PSG3: variants seen among roughly 807,000 people sequenced by gnomAD.
The protein encoded by PSG3 is pregnancy specific beta-1-glycoprotein 3.
Under a neutral mutation model 47.5 loss-of-function variants are expected in PSG3, and 61 were observed. That is an observed-to-expected ratio of 1.28 (90% CI 1.05 to 1.59). The LOEUF is 1.59. Ranked by LOEUF, PSG3 falls within the 40% of genes most tolerant of loss-of-function variation. PSG3 has a pLI of 0.00. For missense variants in PSG3, 756 were observed against 524.0 expected (o/e 1.44, Z -4.32); for synonymous variants, 263 against 198.4 (o/e 1.33, Z -2.74).
chr19:42,732,289 C>T, intron 3 of PSG3: 1 of 181,368 alleles, frequency 5.5e-6, no homozygotes, highest in South Asian at 1.3e-4. Flanking sequence ...AATGCTCTGC[C>T]AGTGGGTGAG....
intron 1 of PSG3, among the ~76,000 whole-genome samples, chr19:42,740,107 A>T (rs562914370): frequency 7.2e-5 from 11 of 151,762 alleles, no homozygotes; most frequent in Non-Finnish European, 1.6e-4. Context: ...AGCACACCAC[A>T]ATATCTGGTT....
rs139706271 is a variant in PSG3 at position 42,732,813 on chromosome 19, C to T, written c.680G>A (p.Arg227His). The change falls in exon 3 of 7, where the codon CGC becomes CAC. Residue 227 changes from arginine to histidine, a missense_variant. Transcript: ENST00000327495. Reference sequence around the variant, plus strand: ...GAGATTCAGGGTGACTGGGTCACTGCGGCTGGCACTCACTGGGTTCCGTAT... The same window carrying T: ...GAGATTCAGGGTGACTGGGTCACTGTGGCTGGCACTCACTGGGTTCCGTAT... ...CEIRNPVSAS[R>H]SDPVTLNLLP... is the part of the protein sequence containing the mutation. The T allele has an allele frequency of 9.7e-5, 156 of 1,614,098 alleles. No homozygotes were observed. Among genetic ancestry groups the T allele is most frequent in the Admixed American group, 4.2e-4 (25 of 60,018 alleles).
chr19:42,738,293 C>T (rs1969600299), intron 2 of PSG3, among the ~76,000 whole-genome samples: 1 of 152,240 alleles, frequency 6.6e-6, no homozygotes, highest in Admixed American at 6.5e-5. Flanking sequence ...CCAGTACAGG[C>T]TCCTCAGATT....
chr19:42,725,035 T>A (rs539683173), intron 5 of PSG3, among the ~76,000 whole-genome samples: 1 of 151,972 alleles, frequency 6.6e-6, no homozygotes, highest in Admixed American at 6.6e-5. Context: ...AAGCTTAGAG[T>A]GGTGTAAAAC....
Position 42,721,800 on chromosome 19 carries a change from G to A in PSG3, c.*331C>T, listed in dbSNP as rs1600375668. ...AAGAAAAAAAGTGCATAAATCTGGA[G>A]AATAAAACATTCAAAGAATCAGCAC... is the stretch of plus-strand genomic sequence containing the variant. On this transcript the variant is annotated 3_prime_UTR_variant, in exon 7 of 7. Transcript: ENST00000327495. 1 of 409,078 alleles carries A rather than the reference G, an allele frequency of 2.4e-6. No individual in the cohort carries two copies. Among genetic ancestry groups the A allele is most frequent in the East Asian group, 3.6e-5 (1 of 27,874 alleles). 25.3% of individuals were successfully genotyped at this position (409,078 alleles called of 1,614,324 possible). A position where few individuals can be genotyped will look rare whatever the true frequency, so the allele number is the denominator to read the frequency against.
At position 42,723,892 on chromosome 19, in the gene PSG3, C is replaced by A. The variant is rs950337389; in HGVS notation, c.*40+50G>T. The A allele has an allele frequency of 2.1e-6, 3 of 1,416,062 alleles. No homozygotes were observed. The African/African-American group carries it at 4.3e-5, about 20-fold the overall frequency. The allele number at this position is 1,416,062 out of a possible 1,614,324, so 87.7% of individuals were successfully genotyped here. ...AAATAAGTCTTTTCCCTCTCCCAAG[C>A]ATGGCAGTTAGCCCTGCAGGAACCA... On this transcript the variant is annotated intron_variant, in intron 6 of 6. Coordinates refer to ENST00000327495, the MANE Select transcript of PSG3 (RefSeq NM_021016.4).
At chr19:42,732,441 G>A in intron 3 of PSG3, 1 of 466,554 alleles carries the variant, frequency 2.1e-6, no homozygotes, top group Non-Finnish European at 3.9e-6. Context: ...GAAAATCCTG[G>A]TCTGTGGAAG....
rs979670206 is a variant in PSG3, at chr19:42,736,276, G to T, written c.430+2448C>A. 6.6e-5 allele frequency among the ~76,000 whole-genome samples: 10 copies of T among 152,294 alleles called. No homozygotes were observed. In the South Asian group the frequency reaches 2.1e-3, roughly 32 times the overall value. ...ATAGATAACATCACTATTGTAGAAC[G>T]TGAGATTGGTCTTTTGAGATGTTTC... is the stretch of plus-strand genomic sequence containing the variant. On this transcript the variant is annotated intron_variant, in intron 2 of 6. Transcript: ENST00000327495.
At chr19:42,730,772 G>C (rs1969460392) in intron 3 of PSG3, among the ~76,000 whole-genome samples, 2 of 152,248 alleles carry the variant, frequency 1.3e-5, no homozygotes. Flanking sequence ...CTTTGGAGCA[G>C]AAGCATGTTC....
At position 42,732,787 on chromosome 19, in the gene PSG3, GGA is replaced by G. The variant is rs1366181276; in HGVS notation, c.704_705del (p.Leu235ProfsTer20). On this transcript the variant is annotated frameshift_variant, in exon 3 of 7. Coordinates refer to ENST00000327495, the MANE Select transcript of PSG3 (RefSeq NM_021016.4). LOFTEE classifies it high-confidence loss of function. The part of the protein sequence containing the change: ...ASRSDPVTLN[L>X]LPKLPKPYIT... ...CAGAGGAACAGGAGATACTCACGGA[GGA>G]GATTCAGGGTGACTGGGTCACTGCG... 6.2e-7 allele frequency: 1 copy of G among 1,614,004 alleles called. No individual in the cohort carries two copies. Among genetic ancestry groups the G allele is most frequent in the Non-Finnish European group, 8.5e-7 (1 of 1,179,962 alleles).
intron 1 of PSG3, among the ~76,000 whole-genome samples, chr19:42,739,913 G>C (rs1969640458): frequency 6.6e-6 from 1 of 151,704 alleles, no homozygotes; most frequent in Non-Finnish European, 1.5e-5. Context: ...CCCTATCCAG[G>C]CTCCAACAGA....
chr19:42,722,216 T>C (rs1969309865), intron 6 of PSG3, 126 bp from the exon 7 acceptor site: 2 of 395,060 alleles, frequency 5.1e-6, no homozygotes, highest in Non-Finnish European at 4.5e-6. Flanking sequence ...CATATTTGAT[T>C]TCCAGAAATT....
Position 42,732,898 on chromosome 19 carries a change from T to G in PSG3, c.595A>C (p.Lys199Gln), listed in dbSNP as rs776461276. 5.0e-6 allele frequency: 8 copies of G among 1,614,150 alleles called. No homozygotes were observed. The Admixed American group carries it at 6.7e-5, about 13-fold the overall frequency. Residue 199 changes from lysine (K) to glutamine (Q), a missense_variant, in exon 3 of 7, where the codon AAA (lysine) becomes CAA (glutamine). Physicochemically the swap from Lys to Gln is moderately conservative, Grantham distance 53. Coordinates refer to ENST00000327495, the MANE Select transcript of PSG3 (RefSeq NM_021016.4). ...MTHSLQLSKNKRTLFLFGVTK... is the reference protein window; with the variant it reads ...MTHSLQLSKNQRTLFLFGVTK... ...ACACCAAATAGAAAGAGGGTCCTTT[T>G]GTTTTTGGACAACTGCAAGCTGTGA...
At chr19:42,726,659 A>C (rs1969382525) in intron 5 of PSG3, among the ~76,000 whole-genome samples, 1 of 152,222 alleles carries the variant, frequency 6.6e-6, no homozygotes, top group Admixed American at 6.5e-5. Flanking sequence ...AAATTGAAAG[A>C]CATTTTGTTT....
In PSG3 at chr19:42,738,899, A is replaced by G. The variant is rs139303960; in HGVS notation, c.255T>C (p.Asp85=). The change falls in exon 2 of 7, where the codon GAT becomes GAC. Residue 85 remains aspartate (D), a synonymous_variant. Transcript: ENST00000327495. ...CAGGCCCATATATAATTATTTGACC[A>G]TCTACTACGTATGATGTAATGTAAT... ...LYHYITSYVV[D]GQIIIYGPAY... is the part of the protein sequence containing the mutation. 86 of 1,614,024 alleles carry G rather than the reference A, an allele frequency of 5.3e-5. No individual in the cohort carries two copies. In the African/African-American group the frequency reaches 7.5e-4, roughly 14 times the overall value.
intron 5 of PSG3, among the ~76,000 whole-genome samples, chr19:42,725,310 A>T (rs1010234369): frequency 6.6e-6 from 1 of 152,344 alleles, no homozygotes; most frequent in East Asian, 1.9e-4. Context: ...CTTACATTAA[A>T]AAAGAAGAAA....
intron 2 of PSG3, among the ~76,000 whole-genome samples, chr19:42,736,381 C>A (rs552156308): frequency 1.3e-5 from 2 of 152,250 alleles, no homozygotes; most frequent in Non-Finnish European, 2.9e-5. Context: ...TGGTCCCTAC[C>A]TAGAGGTGGA....
chr19:42,739,101 A>C lies in PSG3; in HGVS notation c.65-12T>G, dbSNP rs1296789009. ...GTTTAAAAGTAATGCTAGGAGGTGG[A>C]GAGAGCATCAGTCAATATTGAGACC... On this transcript the variant is annotated splice_polypyrimidine_tract_variant and intron_variant, in intron 1 of 6. Coordinates refer to ENST00000327495, the MANE Select transcript of PSG3 (RefSeq NM_021016.4). 2 of 1,589,484 alleles carry C rather than the reference A, an allele frequency of 1.3e-6. No individual in the cohort carries two copies. The highest frequency in any genetic ancestry group is 2.7e-5 in the African/African-American group (2 of 73,654).
intron 6 of PSG3, among the ~76,000 whole-genome samples, chr19:42,723,028 G>A (rs1248191445): frequency 1.3e-5 from 2 of 152,118 alleles, no homozygotes; most frequent in African/African-American, 2.4e-5. Flanking sequence ...ATTTCTTGTG[G>A]CATTCAATTT....
Sources: gnomAD v4.1 joint callset for allele counts (sites outside exome capture counted in the v4.1 genomes callset) on GRCh38, gnomAD v4.1.1 for gene constraint, MANE v1.5 for transcripts, NCBI Gene and HGNC (gene_info 2026-07-23, HGNC 2026-07-21) for gene names.